The following KIAA1217 variants were observed in gnomAD, a reference collection of about 807,000 sequenced individuals.
The protein encoded by KIAA1217 is KIAA1217, also known as sickle tail protein homolog.
KIAA1217 carries 88 observed loss-of-function variants against 163.9 expected under a neutral mutation model. The observed-to-expected ratio is 0.54, with a 90% CI of 0.45 to 0.64. KIAA1217 has a LOEUF of 0.64. KIAA1217 is among the 30% of genes least tolerant of loss of function. The pLI is 0.00. For synonymous variants in KIAA1217, 903 were observed against 923.1 expected, an observed-to-expected ratio of 0.98 and a Z score of 0.39; for missense variants, 2,372 against 2,475.0, an observed-to-expected ratio of 0.96 and a Z score of 0.88.
intron 1 of KIAA1217, among the ~76,000 whole-genome samples, chr10:23,723,211 T>A (rs1467970547): frequency 1.3e-5 from 2 of 152,178 alleles, no homozygotes; most frequent in Admixed American, 6.5e-5. Context: ...TGGGTATTGA[T>A]GCTTTTCATC....
chr10:24,173,055 C>A (rs1017664543), intron 2 of KIAA1217, among the ~76,000 whole-genome samples: 1 of 152,182 alleles, frequency 6.6e-6, no homozygotes, highest in Non-Finnish European at 1.5e-5. Flanking sequence ...GGGTGAGTGG[C>A]AGGCCAGCAA....
At chr10:24,253,857 G>A (rs1374305701) in intron 2 of KIAA1217, among the ~76,000 whole-genome samples, 1 of 152,110 alleles carries the variant, frequency 6.6e-6, no homozygotes, top group Non-Finnish European at 1.5e-5. Context: ...TGAGGCTGCA[G>A]TGAGCCATGA....
At chr10:24,504,388 C>A (rs2068070922) in intron 9 of KIAA1217, among the ~76,000 whole-genome samples, 1 of 152,150 alleles carries the variant, frequency 6.6e-6, no homozygotes, top group Non-Finnish European at 1.5e-5. Flanking sequence ...ACTGTTTCTA[C>A]CTCTGCATTT....
In KIAA1217 at chr10:23,695,570, C is replaced by A. The variant is rs1835973395; in HGVS notation, c.-321+336C>A. Among the ~76,000 whole-genome samples the A allele has an allele frequency of 6.6e-6, 1 of 152,060 alleles. No homozygotes were observed. Among genetic ancestry groups the A allele is most frequent in the South Asian group, 2.1e-4 (1 of 4,824 alleles). ...CCTATCCTGGTGACCTTGGCGTGCCCCCCTGGAGTGGCGAGCCAGGGGCTT... is the reference window on the plus strand; with the variant it reads ...CCTATCCTGGTGACCTTGGCGTGCCACCCTGGAGTGGCGAGCCAGGGGCTT... On this transcript the variant is annotated intron_variant, in intron 1 of 18. Coordinates refer to the KIAA1217 transcript ENST00000376462. This position sits in a 1 kb window ranked among gnomAD's most constrained non-coding sequence, Gnocchi z 4.9.
At chr10:24,118,708 T>TC (rs1374001879) in intron 2 of KIAA1217, among the ~76,000 whole-genome samples, 3 of 146,732 alleles carry the variant, frequency 2.0e-5, no homozygotes, top group African/African-American at 7.6e-5. Flanking sequence ...TGGATTTGCT[T>TC]TTTTTTTTTT....
rs776447409 is a variant in KIAA1217 at position 24,546,187 on chromosome 10, TCTC to T, written c.5698_5700del (p.Pro1900del). ...TTTGTCATTTTCCTCCTCCCCTCCT[TCTC>T]CTGCCTCCTCCGTCTCACTGAATCA... is the stretch of plus-strand genomic sequence containing the variant. On this transcript the variant is annotated inframe_deletion, in exon 21 of 21. Transcript: ENST00000376454. 6 of 1,613,826 alleles carry T rather than the reference TCTC, an allele frequency of 3.7e-6. No homozygotes were observed. The highest frequency in any genetic ancestry group is 3.4e-6 in the Non-Finnish European group (4 of 1,179,984).
chr10:24,493,817 T>C (rs929771920), intron 6 of KIAA1217, among the ~76,000 whole-genome samples: 2 of 152,224 alleles, frequency 1.3e-5, no homozygotes, highest in African/African-American at 4.8e-5. Context: ...GCCCAGTCTG[T>C]AGTTCACTGG....
At chr10:24,075,704 A>G (rs2061347674) in intron 2 of KIAA1217, among the ~76,000 whole-genome samples, 1 of 150,652 alleles carries the variant, frequency 6.6e-6, no homozygotes, top group Non-Finnish European at 1.5e-5. Context: ...CCTGGCTTCA[A>G]GCGATTCTCC....
Position 24,473,728 on chromosome 10 carries a change from A to G in KIAA1217, c.1347A>G (p.Ser449=). The G allele has an allele frequency of 6.2e-7, 1 of 1,614,010 alleles. No homozygotes were observed. The highest frequency in any genetic ancestry group is 8.5e-7 in the Non-Finnish European group (1 of 1,180,016). The change falls in exon 6 of 21, where the codon TCA becomes TCG. Residue 449 remains serine, a synonymous_variant. Transcript: ENST00000376454. ...SMQAEMHMEQ[S]LYRQKSRKYP... is the part of the protein sequence containing the mutation. Reference sequence around the variant, plus strand: ...AAGCGGAAATGCATATGGAACAATCACTGTACAGACAGAAATCAAGGAAAT... The same window carrying G: ...AAGCGGAAATGCATATGGAACAATCGCTGTACAGACAGAAATCAAGGAAAT...
At chr10:24,086,250 G>T (rs55923971) in intron 2 of KIAA1217, among the ~76,000 whole-genome samples, 7,536 of 152,262 alleles carry the variant, frequency 0.049, 265 homozygotes, top group African/African-American at 0.11. Context: ...TTTATCTAGG[G>T]TCAGCTCTGC....
At chr10:23,818,035 A>G (rs1837419135) in intron 1 of KIAA1217, among the ~76,000 whole-genome samples, 2 of 128,952 alleles carry the variant, frequency 1.6e-5, no homozygotes. Flanking sequence ...ACACATATAT[A>G]TACATATATA....
chr10:24,143,812 A>AT (rs1160410143), intron 2 of KIAA1217, among the ~76,000 whole-genome samples: 1 of 149,654 alleles, frequency 6.7e-6, no homozygotes, highest in African/African-American at 2.5e-5. Flanking sequence ...CTCATTCCTG[A>AT]TTAAAAAAAA....
At chr10:23,952,997 T>C (rs1029588461) in intron 1 of KIAA1217, among the ~76,000 whole-genome samples, 5 of 152,230 alleles carry the variant, frequency 3.3e-5, no homozygotes, top group African/African-American at 1.2e-4. Flanking sequence ...GAATTTTGCA[T>C]GAGGAGTTCT....
intron 5 of KIAA1217, among the ~76,000 whole-genome samples, chr10:24,444,073 C>T (rs1016344217): frequency 6.6e-6 from 1 of 152,032 alleles, no homozygotes; most frequent in Admixed American, 6.6e-5. Context: ...TGCAGTGGTG[C>T]GATCTCAGCT....
At chr10:23,896,338 C>A (rs1454490380) in intron 1 of KIAA1217, among the ~76,000 whole-genome samples, 1 of 151,982 alleles carries the variant, frequency 6.6e-6, no homozygotes, top group Non-Finnish European at 1.5e-5. Context: ...GAATTTGTCA[C>A]ACTTCTATTG....
chr10:24,515,850 T>C (rs1307760984), intron 10 of KIAA1217, among the ~76,000 whole-genome samples: 1 of 152,104 alleles, frequency 6.6e-6, no homozygotes, highest in East Asian at 1.9e-4. Context: ...GGTGGGAGAA[T>C]CACTTGGGAC....
Position 24,473,447 on chromosome 10 carries a change from G to C in KIAA1217, c.1066G>C (p.Val356Leu), listed in dbSNP as rs773046857. 2.2e-5 allele frequency: 35 copies of C among 1,614,040 alleles called. No individual in the cohort carries two copies. Among genetic ancestry groups the C allele is most frequent in the East Asian group, 6.7e-5 (3 of 44,874 alleles). ...CAGGGACAGAATCTCCAGCCTGCCAGTCTCCAGACCCATCTCTCCAAGCCC... is the reference window on the plus strand; with the variant it reads ...CAGGGACAGAATCTCCAGCCTGCCACTCTCCAGACCCATCTCTCCAAGCCC... ...IPRDRISSLP[V>L]SRPISPSPSA... Residue 356 changes from valine (V) to leucine (L), a missense_variant, in exon 6 of 21, where the codon GTC becomes CTC. Coordinates refer to ENST00000376454, the MANE Select transcript of KIAA1217 (RefSeq NM_019590.5).
At chr10:23,997,966 A>G (rs984535971) in intron 1 of KIAA1217, among the ~76,000 whole-genome samples, 5 of 147,648 alleles carry the variant, frequency 3.4e-5, no homozygotes, top group Admixed American at 6.8e-5. Context: ...GCCAGGAGGT[A>G]TGGAGAAGGG....
intron 1 of KIAA1217, among the ~76,000 whole-genome samples, chr10:23,818,251 A>G (rs1376662832): frequency 7.0e-6 from 1 of 143,344 alleles, no homozygotes; most frequent in Non-Finnish European, 1.5e-5. Context: ...TACATAATAT[A>G]TATTTTATAT....
Sources: gnomAD v4.1 joint callset for allele counts (sites outside exome capture counted in the v4.1 genomes callset) on GRCh38, gnomAD v4.1.1 for gene constraint, Gnocchi (gnomAD v3.1) non-coding constraint, MANE v1.5 for transcripts, NCBI Gene and HGNC (gene_info 2026-07-23, HGNC 2026-07-21) for gene names.